ZNF827: variants seen among roughly 807,000 people sequenced by gnomAD.
The protein encoded by ZNF827 is zinc finger protein 827.
ZNF827 carries 13 observed loss-of-function variants against 102.4 expected under a neutral mutation model. That is an observed-to-expected ratio of 0.13 (90% CI 0.08 to 0.20). ZNF827 has a LOEUF of 0.20. Among genes scored for constraint, ZNF827 ranks in the 10% least tolerant of loss-of-function variants. ZNF827 has a pLI of 1.00. For synonymous variants in ZNF827, 523 were observed against 536.2 expected (o/e 0.98, Z 0.34); for missense variants, 1,103 against 1,344.4 (o/e 0.82, Z 2.81).
At chr4:145,938,175 G>GGGCT (rs1754375515) in intron 1 of ZNF827, among the ~76,000 whole-genome samples, 190 bp downstream of exon 1, 1 of 151,984 alleles carries the variant, frequency 6.6e-6, no homozygotes, top group Non-Finnish European at 1.5e-5. Context: ...AAAGGGCACG[G>GGGCT]GGCTGATCAT....
intron 4 of ZNF827, among the ~76,000 whole-genome samples, chr4:145,870,958 G>T (rs1407151479): frequency 6.6e-6 from 1 of 152,160 alleles, no homozygotes; most frequent in African/African-American, 2.4e-5. Flanking sequence ...AAACAGAAAA[G>T]CTCAGACTAG....
At chr4:145,858,165 G>A (rs1747351566) in intron 5 of ZNF827, among the ~76,000 whole-genome samples, 1 of 138,090 alleles carries the variant, frequency 7.2e-6, no homozygotes, top group African/African-American at 2.8e-5. Flanking sequence ...GTGTGTGTGT[G>A]TGTGTGTGCA....
chr4:145,780,992 C>T (rs1430623134), intron 8 of ZNF827, among the ~76,000 whole-genome samples: 1 of 151,974 alleles, frequency 6.6e-6, no homozygotes, highest in Non-Finnish European at 1.5e-5. Context: ...GTCAGAAGAT[C>T]GAGACCATCC....
rs767924443 is a variant in ZNF827 at position 145,926,894 on chromosome 4, C to T, written c.43+11471G>A. On this transcript the variant is annotated intron_variant, in intron 1 of 14. Transcript: ENST00000508784. ...CATTTGTGCACAGCACTTCTAACTA[C>T]GATCTAGTAGCCAACCCAAACCCTA... 1.5e-4 allele frequency among the ~76,000 whole-genome samples: 22 copies of T among 151,552 alleles called. 1 individual carries two copies. The highest frequency in any genetic ancestry group is 6.8e-3 in the Middle Eastern group (2 of 294).
At chr4:145,855,857 T>C (rs1353937003) in intron 5 of ZNF827, among the ~76,000 whole-genome samples, 1 of 152,198 alleles carries the variant, frequency 6.6e-6, no homozygotes, top group Non-Finnish European at 1.5e-5. Flanking sequence ...GGAGATACCT[T>C]GTATCTCCAT....
At chr4:145,781,778 C>G (rs1738096524) in intron 8 of ZNF827, among the ~76,000 whole-genome samples, 1 of 152,126 alleles carries the variant, frequency 6.6e-6, no homozygotes, top group Non-Finnish European at 1.5e-5. Context: ...ATAATCAAAA[C>G]AGTGCTTCAA....
Position 145,775,940 on chromosome 4 carries a change from G to A in ZNF827, c.2542C>T (p.His848Tyr). Residue 848 changes from histidine to tyrosine, a missense_variant, in exon 10 of 15, where the codon CAC becomes TAC. Physicochemically the swap from His to Tyr is moderately conservative, Grantham distance 83 (BLOSUM62 2). Around this residue, in one of 5 missense-constraint regions of ZNF827, gnomAD observed 242 missense variants for 361.9 expected, o/e 0.67. Coordinates refer to ENST00000508784, the MANE Select transcript of ZNF827 (RefSeq NM_001306215.2). ...CACTTAGCAGCATAGGGGCACAAGT[G>A]GCATTTGTATTTTCTTTCCTCTGGG... ...LHTEERKYKC[H>Y]LCPYAAKCRA... 6.2e-7 allele frequency: 1 copy of A among 1,614,138 alleles called. No homozygotes were observed. The highest frequency in any genetic ancestry group is 2.2e-5 in the East Asian group (1 of 44,882).
chr4:145,768,423 C>G (rs1006431258), intron 11 of ZNF827, among the ~76,000 whole-genome samples: 1 of 152,022 alleles, frequency 6.6e-6, no homozygotes, highest in African/African-American at 2.4e-5. Flanking sequence ...CTTTGGCCTC[C>G]CAAAGTACTG....
rs1453835073 is a variant in ZNF827 at position 145,758,673 on chromosome 4, T to A, written c.*2943A>T. The A allele has an allele frequency of 1.3e-5, 2 of 152,252 alleles. No individual in the cohort carries two copies. The highest frequency in any genetic ancestry group is 2.9e-5 in the Non-Finnish European group (2 of 68,038). The allele number at this position is 152,252 out of a possible 1,614,324, so 9.4% of individuals were successfully genotyped here. ...CATAACTATCTATAGTGTCTTTTAC[T>A]GAGACATTGACGTGGCGAGGTTGAA... On this transcript the variant is annotated 3_prime_UTR_variant, in exon 15 of 15. Coordinates refer to ENST00000508784, the MANE Select transcript of ZNF827 (RefSeq NM_001306215.2).
intron 1 of ZNF827, among the ~76,000 whole-genome samples, chr4:145,910,329 C>A (rs751208277): frequency 1.2e-4 from 18 of 152,158 alleles, no homozygotes; most frequent in Non-Finnish European, 2.2e-4. Flanking sequence ...CTTAGCCAGA[C>A]CTTCCATGGC....
At chr4:145,864,669 CAAAA>C (rs1477908319) in intron 5 of ZNF827, among the ~76,000 whole-genome samples, 1 of 151,846 alleles carries the variant, frequency 6.6e-6, no homozygotes, top group African/African-American at 2.4e-5. Flanking sequence ...TCCAGGGACT[CAAAA>C]AAAGTTGAAA....
Position 145,759,943 on chromosome 4 carries a change from T to C in ZNF827, c.*1673A>G, listed in dbSNP as rs1181782346. On this transcript the variant is annotated 3_prime_UTR_variant, in exon 15 of 15. Transcript: ENST00000508784. ...CTTAAAAAATGATGCACTGTGTGTG[T>C]GCACCGTACACATTTGTCTACGTGT... 3 of 152,222 alleles carry C rather than the reference T, an allele frequency of 2.0e-5. No individual in the cohort carries two copies. Among genetic ancestry groups the C allele is most frequent in the Non-Finnish European group, 2.9e-5 (2 of 68,038 alleles). 9.4% of individuals were successfully genotyped at this position (152,222 alleles called of 1,614,324 possible). A position where few individuals can be genotyped will look rare whatever the true frequency, so the allele number is the denominator to read the frequency against.
At chr4:145,909,502 A>G (rs1191480704) in intron 1 of ZNF827, among the ~76,000 whole-genome samples, 1 of 152,198 alleles carries the variant, frequency 6.6e-6, no homozygotes, top group Non-Finnish European at 1.5e-5. Flanking sequence ...TTCACTCTCA[A>G]TGACTTCCCA....
intron 5 of ZNF827, among the ~76,000 whole-genome samples, chr4:145,855,068 C>T (rs1746930978): frequency 6.6e-6 from 1 of 152,126 alleles, no homozygotes; most frequent in Non-Finnish European, 1.5e-5. Flanking sequence ...ATGTTATCCT[C>T]CCTTCCTGGG....
At position 145,938,812 on chromosome 4, in the gene ZNF827, A is replaced by G. The variant is rs1380866088; in HGVS notation, c.-405T>C. 6.6e-6 allele frequency among the ~76,000 whole-genome samples: 1 copy of G among 151,566 alleles called. No homozygotes were observed. Among genetic ancestry groups the G allele is most frequent in the African/African-American group, 2.4e-5 (1 of 41,214 alleles). On this transcript the variant is annotated 5_prime_UTR_variant, in exon 1 of 15. Transcript: ENST00000508784. ...CCGCGCTCTGTGTCTCCGAGCCCCT[A>G]ACACTAATGTCGGGATCAAAGGGCA...
intron 1 of ZNF827, among the ~76,000 whole-genome samples, chr4:145,917,544 T>C (rs1752744756): frequency 6.6e-6 from 1 of 151,826 alleles, no homozygotes; most frequent in Non-Finnish European, 1.5e-5. Flanking sequence ...GCCCCATCTC[T>C]CAACACTGTT....
intron 1 of ZNF827, among the ~76,000 whole-genome samples, chr4:145,937,521 C>G (rs941140045): frequency 1.4e-5 from 2 of 147,960 alleles, no homozygotes; most frequent in Admixed American, 1.3e-4. Flanking sequence ...TCCCGCACCC[C>G]ACATCCGCCC....
chr4:145,838,552 G>GA (rs1745109604), intron 7 of ZNF827, among the ~76,000 whole-genome samples: 1 of 152,012 alleles, frequency 6.6e-6, no homozygotes, highest in African/African-American at 2.4e-5. Flanking sequence ...TTTGGGGGGG[G>GA]ACCCTTGATA....
At chr4:145,917,700 CAAAAAAAAAAAA>C (rs763617063) in intron 1 of ZNF827, among the ~76,000 whole-genome samples, 1 of 46,856 alleles carries the variant, frequency 2.1e-5, no homozygotes. Flanking sequence ...GGTAGCTGGT[CAAAAAAAAAAAA>C]AAAAAAAAAA....
Sources: gnomAD v4.1 joint callset for allele counts (sites outside exome capture counted in the v4.1 genomes callset) on GRCh38, gnomAD v4.1.1 for gene constraint, gnomAD v4.1.1 regional missense constraint, MANE v1.5 for transcripts, NCBI Gene and HGNC (gene_info 2026-07-23, HGNC 2026-07-21) for gene names.